Variants in SLC5A9 observed in about 807,000 individuals in gnomAD.
SLC5A9 encodes the protein sodium/glucose cotransporter 4.
In SLC5A9, 59 loss-of-function variants were observed where a neutral mutation model predicts 70.9. That is an observed-to-expected ratio of 0.83 (90% CI 0.68 to 1.03). The LOEUF (loss-of-function observed/expected upper bound fraction) is 1.03. Among genes scored for constraint, SLC5A9 ranks in the 50% least tolerant of loss-of-function variants. The probability of loss-of-function intolerance (pLI) is 0.00; values close to 1 mark genes in which losing one functional copy is unlikely to be tolerated. For missense variants in SLC5A9, 832 were observed against 881.1 expected (o/e 0.94, Z 0.71); for synonymous variants, 340 against 346.5 (o/e 0.98, Z 0.21).
Position 48,244,862 on chromosome 1 carries a change from GTATGTA to G in SLC5A9, c.1837+2248_1837+2253del, listed in dbSNP as rs1194395363. On this transcript the variant is annotated intron_variant, in intron 13 of 13. Transcript: ENST00000438567. ...TTATATATATAAAACCTGTGTGTGTGTATGTATGTGTATGTGTATATATATATATAT... is the reference window on the plus strand; with the variant it reads ...TTATATATATAAAACCTGTGTGTGTGTGTGTATGTGTATATATATATATAT... Among the ~76,000 whole-genome samples the G allele has an allele frequency of 2.0e-3, 29 of 14,448 alleles. 2 individuals are homozygous for G. The highest frequency in any genetic ancestry group is 6.3e-3 in the African/African-American group (28 of 4,430). The allele number at this position is 14,448 out of a possible 152,430, so 9.5% of individuals were successfully genotyped here.
intron 4 of SLC5A9, 84 bp downstream of exon 4, chr1:48,229,543 A>G: frequency 6.4e-7 from 1 of 1,560,634 alleles, no homozygotes; most frequent in Admixed American, 1.8e-5. Context: ...CGTGTTGCTG[A>G]GGGGAAGCTG....
At chr1:48,229,205 C>G (rs1462860670) in intron 3 of SLC5A9, 90 bp from the exon 4 acceptor site, 1 of 1,614,120 alleles carries the variant, frequency 6.2e-7, no homozygotes, top group South Asian at 1.1e-5. Context: ...TCGGGGGCCT[C>G]CCACAGCACA....
rs773132777 is a variant in SLC5A9, at chr1:48,242,409, A to G, written c.1678-48A>G. The G allele has an allele frequency of 4.5e-5, 70 of 1,539,378 alleles. No individual in the cohort carries two copies. In the Middle Eastern group the frequency reaches 1.7e-3, roughly 38 times the overall value. Reference sequence around the variant, plus strand: ...AAATGGGCCTCTGTTCTTCTACAGCATGACTTCTCTCCAAGGCAACTGACT... The same window carrying G: ...AAATGGGCCTCTGTTCTTCTACAGCGTGACTTCTCTCCAAGGCAACTGACT... On this transcript the variant is annotated intron_variant, in intron 12 of 13. Transcript: ENST00000438567.
intron 4 of SLC5A9, among the ~76,000 whole-genome samples, chr1:48,229,915 C>A (rs934146684): frequency 1.3e-5 from 2 of 152,198 alleles, no homozygotes; most frequent in South Asian, 4.1e-4. Context: ...CAGGCTCCTT[C>A]CACTCTGTTA....
At chr1:48,236,568 T>C (rs866687269) in intron 10 of SLC5A9, among the ~76,000 whole-genome samples, 8 of 152,232 alleles carry the variant, frequency 5.3e-5, no homozygotes, top group South Asian at 4.1e-4. Context: ...AGATTTGTAG[T>C]TTACATAAGG....
At chr1:48,237,362 G>GGGGGT (rs1557479217) in intron 10 of SLC5A9, among the ~76,000 whole-genome samples, 1 of 67,066 alleles carries the variant, frequency 1.5e-5, no homozygotes. Context: ...TGACTGGGGT[G>GGGGGT]GGGGGTGGGG....
chr1:48,236,742 T>G (rs1281159443), intron 10 of SLC5A9, among the ~76,000 whole-genome samples: 4 of 152,204 alleles, frequency 2.6e-5, no homozygotes, highest in Non-Finnish European at 5.9e-5. Context: ...CTAGGATGCC[T>G]TCTGCCCAGG....
intron 13 of SLC5A9, among the ~76,000 whole-genome samples, chr1:48,246,343 G>C (rs1377794610): frequency 1.3e-5 from 2 of 152,044 alleles, no homozygotes; most frequent in Non-Finnish European, 2.9e-5. Context: ...TGCAATCAGG[G>C]AGCCAGACCA....
intron 9 of SLC5A9, among the ~76,000 whole-genome samples, chr1:48,234,897 A>G (rs1644305820): frequency 6.6e-6 from 1 of 152,094 alleles, no homozygotes; most frequent in Non-Finnish European, 1.5e-5. Flanking sequence ...AAAGAGGGGA[A>G]CAGAAGGCCC....
intron 12 of SLC5A9, chr1:48,241,852 CTG>C: frequency 2.2e-6 from 1 of 448,974 alleles, no homozygotes; most frequent in South Asian, 1.6e-5. Flanking sequence ...GGCAGGAACC[CTG>C]GAGCCATATT....
chr1:48,245,077 T>TTATATA (rs56697202), intron 13 of SLC5A9, among the ~76,000 whole-genome samples: 16 of 140,474 alleles, frequency 1.1e-4, no homozygotes, highest in African/African-American at 2.6e-4. Flanking sequence ...CCTGAGACTT[T>TTATATA]TATATATATA....
At chr1:48,241,722 CTCTCTT>C (rs1644392750) in intron 12 of SLC5A9, among the ~76,000 whole-genome samples, 1 of 151,674 alleles carries the variant, frequency 6.6e-6, no homozygotes, top group Admixed American at 6.6e-5. Context: ...CTCTCTCTCT[CTCTCTT>C]TCTCTATCTC....
intron 2 of SLC5A9, 86 bp downstream of exon 2, chr1:48,224,881 C>A: frequency 7.6e-7 from 1 of 1,311,738 alleles, no homozygotes; most frequent in Non-Finnish European, 1.1e-6. Flanking sequence ...CCCATCTTCT[C>A]ACACCTGGAC....
chr1:48,223,831 A>G (rs1311352711), intron 1 of SLC5A9, among the ~76,000 whole-genome samples: 1 of 152,156 alleles, frequency 6.6e-6, no homozygotes, highest in African/African-American at 2.4e-5. Flanking sequence ...GCCAGCCGAG[A>G]AAAGCACCAA....
Position 48,239,225 on chromosome 1 carries a change from A to C in SLC5A9, c.1462-97A>C. ...AGATGGATTTGCCCAACATGGCAATAAACCAGTGGGAGAGAGATTTGGGGA... is the reference window on the plus strand; with the variant it reads ...AGATGGATTTGCCCAACATGGCAATCAACCAGTGGGAGAGAGATTTGGGGA... On this transcript the variant is annotated intron_variant, in intron 11 of 13. Transcript: ENST00000438567. This position sits in a 1 kb window ranked among gnomAD's most constrained non-coding sequence, Gnocchi z 4.2. 10 of 888,024 alleles carry C rather than the reference A, an allele frequency of 1.1e-5. No homozygotes were observed. Among genetic ancestry groups the C allele is most frequent in the Non-Finnish European group, 1.8e-5 (10 of 564,858 alleles). The allele number at this position is 888,024 out of a possible 1,614,324, so 55.0% of individuals were successfully genotyped here.
intron 13 of SLC5A9, among the ~76,000 whole-genome samples, chr1:48,244,878 G>GTATATATATATACATATATA (rs1644440760): frequency 3.4e-5 from 1 of 29,418 alleles, no homozygotes; most frequent in Non-Finnish European, 7.7e-5. Flanking sequence ...ATGTGTATGT[G>GTATATATATATACATATATA]TATATATATA....
intron 2 of SLC5A9, among the ~76,000 whole-genome samples, chr1:48,227,228 G>C (rs1310234888): frequency 2.1e-5 from 3 of 144,416 alleles, no homozygotes; most frequent in South Asian, 2.2e-4. Flanking sequence ...GTGCATGTGT[G>C]AGTGTGTGTG....
At chr1:48,237,581 C>A in intron 10 of SLC5A9, 98 bp from the exon 11 acceptor site, 1 of 1,189,736 alleles carries the variant, frequency 8.4e-7, no homozygotes, top group Non-Finnish European at 1.2e-6. Context: ...TGTACATTCC[C>A]CTTCTTTCTC....
intron 12 of SLC5A9, chr1:48,242,084 G>A: frequency 6.5e-6 from 3 of 464,698 alleles, no homozygotes; most frequent in South Asian, 4.6e-5. Context: ...ATTGCCTACA[G>A]GGTTTTTGTT....
Sources: allele counts gnomAD v4.1 joint callset (sites outside exome capture counted in the v4.1 genomes callset), GRCh38; gene constraint gnomAD v4.1.1; non-coding constraint Gnocchi (gnomAD v3.1); transcripts MANE v1.5; gene names NCBI Gene and HGNC (gene_info 2026-07-23, HGNC 2026-07-21).